PARP8: variants seen among roughly 807,000 people sequenced by gnomAD.
The protein encoded by PARP8 is protein mono-ADP-ribosyltransferase PARP8.
PARP8 carries 51 observed loss-of-function variants against 124.1 expected under a neutral mutation model. The ratio of observed to expected loss-of-function variants is 0.41; its 90% confidence interval spans 0.33 to 0.52. PARP8 has a LOEUF of 0.52. PARP8 is among the 20% of genes least tolerant of loss of function. The pLI is 0.21. For synonymous variants in PARP8, 391 were observed against 361.5 expected (o/e 1.08, Z -0.93); for missense variants, 860 against 1,018.9 (o/e 0.84, Z 2.12).
At chr5:50,709,115 A>C (rs962934390) in intron 2 of PARP8, among the ~76,000 whole-genome samples, 2 of 151,932 alleles carry the variant, frequency 1.3e-5, no homozygotes, top group South Asian at 2.1e-4. Flanking sequence ...TATATCTTTG[A>C]TAATATTCTC....
At chr5:50,756,218 G>A (rs939147286) in intron 3 of PARP8, among the ~76,000 whole-genome samples, 7 of 152,026 alleles carry the variant, frequency 4.6e-5, no homozygotes, top group Non-Finnish European at 7.4e-5. Flanking sequence ...CCAACACTAT[G>A]TTGAATAGGA....
At chr5:50,841,098 A>G (rs1748131025) in intron 25 of PARP8, among the ~76,000 whole-genome samples, 1 of 151,774 alleles carries the variant, frequency 6.6e-6, no homozygotes, top group Non-Finnish European at 1.5e-5. Context: ...GCTAGTATTA[A>G]TCTTTGAGAT....
intron 10 of PARP8, among the ~76,000 whole-genome samples, chr5:50,790,244 T>C (rs902788067): frequency 1.3e-5 from 2 of 152,242 alleles, no homozygotes; most frequent in African/African-American, 2.4e-5. Flanking sequence ...TTATATAATG[T>C]AGTGTTCTCT....
At chr5:50,834,145 G>A (rs1217584821) in intron 24 of PARP8, 97 bp downstream of exon 24, 13 of 971,990 alleles carry the variant, frequency 1.3e-5, no homozygotes, top group East Asian at 8.2e-5. Flanking sequence ...GGTGGAATAG[G>A]GAAAGCATTA....
intron 2 of PARP8, among the ~76,000 whole-genome samples, chr5:50,708,410 G>A (rs1256808208): frequency 1.3e-5 from 2 of 152,002 alleles, no homozygotes; most frequent in Non-Finnish European, 2.9e-5. Flanking sequence ...AAGTTGTATC[G>A]AAGGTCATTT....
intron 2 of PARP8, among the ~76,000 whole-genome samples, chr5:50,712,776 C>G (rs1473509972): frequency 1.3e-5 from 2 of 149,626 alleles, no homozygotes; most frequent in African/African-American, 4.9e-5. Flanking sequence ...ATCTGGTGGT[C>G]AGAAGGAGAA....
chr5:50,747,044 T>C (rs13181117), intron 2 of PARP8, among the ~76,000 whole-genome samples: 10,191 of 151,882 alleles, frequency 0.067, 382 homozygotes, highest in Middle Eastern at 0.11. Flanking sequence ...AAATTTTTTT[T>C]AAATGGAAAA....
intron 2 of PARP8, among the ~76,000 whole-genome samples, chr5:50,691,440 TG>T (rs1752488378): frequency 6.6e-6 from 1 of 152,210 alleles, no homozygotes; most frequent in South Asian, 2.1e-4. Flanking sequence ...TCTTGGCTGC[TG>T]TGATGAAATC....
At chr5:50,667,863 T>G in intron 1 of PARP8, 1 of 1,426,988 alleles carries the variant, frequency 7.0e-7, no homozygotes, top group African/African-American at 1.4e-5. Context: ...ACCCGGCACT[T>G]GTTGCGGGGG....
chr5:50,730,975 ACTTT>A (rs1756920353), intron 2 of PARP8, among the ~76,000 whole-genome samples: 1 of 152,222 alleles, frequency 6.6e-6, no homozygotes, highest in Non-Finnish European at 1.5e-5. Context: ...GTTCAGGAAT[ACTTT>A]GAGCAAGAAA....
At chr5:50,726,314 G>T (rs1756426362) in intron 2 of PARP8, among the ~76,000 whole-genome samples, 2 of 152,026 alleles carry the variant, frequency 1.3e-5, no homozygotes, top group Non-Finnish European at 2.9e-5. Context: ...GTACAAAAAA[G>T]GTGTTCAGTA....
At chr5:50,700,119 TAA>T (rs1753439182) in intron 2 of PARP8, among the ~76,000 whole-genome samples, 1 of 152,184 alleles carries the variant, frequency 6.6e-6, no homozygotes, top group African/African-American at 2.4e-5. Flanking sequence ...TAGTGGGATT[TAA>T]GTCTTAAATC....
chr5:50,709,955 T>TATACACAC lies in PARP8; in HGVS notation c.147-40195_147-40194insTACACACA, dbSNP rs149858890. Among the ~76,000 whole-genome samples, 104 of 103,320 alleles carry TATACACAC rather than the reference T, an allele frequency of 1.0e-3. 1 individual carries two copies. Among genetic ancestry groups the TATACACAC allele is most frequent in the South Asian group, 1.5e-3 (5 of 3,290 alleles). 67.8% of individuals were successfully genotyped at this position (103,320 alleles called of 152,430 possible). A position where few individuals can be genotyped will look rare whatever the true frequency, so the allele number is the denominator to read the frequency against. ...ATATATATATATATATATATATATA[T>TATACACAC]ACACATACATATATACACACACACA... On this transcript the variant is annotated intron_variant, in intron 2 of 25. Transcript: ENST00000281631.
chr5:50,767,173 A>G (rs1012665905), intron 7 of PARP8, among the ~76,000 whole-genome samples: 2 of 152,080 alleles, frequency 1.3e-5, no homozygotes, highest in African/African-American at 4.8e-5. Flanking sequence ...CCCCAATTCT[A>G]TATTAACAAT....
intron 2 of PARP8, among the ~76,000 whole-genome samples, chr5:50,727,660 T>C (rs1288036519): frequency 6.6e-6 from 1 of 152,160 alleles, no homozygotes; most frequent in Non-Finnish European, 1.5e-5. Context: ...GTTTGGATTC[T>C]ACATTTAATT....
chr5:50,687,490 C>T (rs531296792), intron 2 of PARP8, among the ~76,000 whole-genome samples: 114 of 152,270 alleles, frequency 7.5e-4, no homozygotes, highest in Non-Finnish European at 1.5e-3. Flanking sequence ...GTTTCAAAGT[C>T]GCTTCCACAT....
chr5:50,670,145 CTGACA>C (rs1749840824), intron 2 of PARP8, among the ~76,000 whole-genome samples: 1 of 152,118 alleles, frequency 6.6e-6, no homozygotes, highest in Non-Finnish European at 1.5e-5. Flanking sequence ...ATTTCTTATC[CTGACA>C]TTTCAGTCAG....
chr5:50,775,637 G>A (rs944460895), intron 7 of PARP8, among the ~76,000 whole-genome samples: 3 of 152,114 alleles, frequency 2.0e-5, no homozygotes, highest in African/African-American at 7.2e-5. Flanking sequence ...TTATTCCTAT[G>A]TATTTTATTT....
intron 14 of PARP8, among the ~76,000 whole-genome samples, chr5:50,805,329 A>G (rs992358596): frequency 6.6e-6 from 1 of 152,094 alleles, no homozygotes; most frequent in African/African-American, 2.4e-5. Context: ...GTTGTGTGCC[A>G]GGCACTGTGG....
Sources: gnomAD v4.1 joint callset for allele counts (sites outside exome capture counted in the v4.1 genomes callset) on GRCh38, gnomAD v4.1.1 for gene constraint, MANE v1.5 for transcripts, NCBI Gene and HGNC (gene_info 2026-07-23, HGNC 2026-07-21) for gene names.